ADAMTSL2: variants seen among roughly 807,000 people sequenced by gnomAD.
The protein encoded by ADAMTSL2 is ADAMTS like 2.
ADAMTSL2 carries 55 observed loss-of-function variants against 117.0 expected under a neutral mutation model. The ratio of observed to expected loss-of-function variants is 0.47; its 90% CI spans 0.38 to 0.59. ADAMTSL2 has a LOEUF of 0.59. Ranked by LOEUF, ADAMTSL2 falls within the 20% of genes least tolerant of loss-of-function variation. The pLI, the probability that ADAMTSL2 is intolerant of heterozygous loss-of-function variation, is 0.00. For missense variants in ADAMTSL2, 1,182 were observed against 1,354.5 expected (o/e 0.87, Z 2.00); for synonymous variants, 572 against 566.4 (o/e 1.01, Z -0.14).
chr9:133,563,032 C>T (rs1361706516), intron 12 of ADAMTSL2, among the ~76,000 whole-genome samples: 2 of 152,210 alleles, frequency 1.3e-5, no homozygotes, highest in African/African-American at 4.8e-5. Flanking sequence ...CTTGGCCAGG[C>T]TTGCACCGCC....
chr9:133,565,431 G>A (rs1027635674), intron 12 of ADAMTSL2, among the ~76,000 whole-genome samples: 4 of 152,136 alleles, frequency 2.6e-5, no homozygotes, highest in Non-Finnish European at 4.4e-5. Flanking sequence ...CAGGCACTTG[G>A]CGATGGTCTG....
chr9:133,564,550 G>A (rs1437795702), intron 12 of ADAMTSL2, among the ~76,000 whole-genome samples: 3 of 103,024 alleles, frequency 2.9e-5, no homozygotes, highest in African/African-American at 1.2e-4. Context: ...GGGAGAGAGG[G>A]AGAGGGAGAG....
At chr9:133,567,899 C>T (rs955492287) in intron 13 of ADAMTSL2, among the ~76,000 whole-genome samples, 10 of 152,236 alleles carry the variant, frequency 6.6e-5, no homozygotes, top group Admixed American at 3.9e-4. Flanking sequence ...TTCCCCAGCA[C>T]GCTGGCCATG....
At chr9:133,571,970 G>A (rs1012021399) in intron 17 of ADAMTSL2, among the ~76,000 whole-genome samples, 2 of 152,222 alleles carry the variant, frequency 1.3e-5, no homozygotes, top group African/African-American at 4.8e-5. Context: ...GCGCCCGAGG[G>A]CTCCAAGTCT....
rs372722281 is a variant in ADAMTSL2, at chr9:133,567,901, C to G, written c.1875-372C>G. Among the ~76,000 whole-genome samples the G allele has an allele frequency of 7.8e-3, 1,190 of 152,354 alleles. 12 individuals carry two copies. Among genetic ancestry groups the G allele is most frequent in the African/African-American group, 0.027 (1,141 of 41,586 alleles). The stretch of plus-strand genomic sequence containing the variant: ...GAAGGAGAGGTCTTTCCCCAGCACG[C>G]TGGCCATGCCCCCTTTCTGGACACA... On this transcript the variant is annotated intron_variant, in intron 13 of 18. Transcript: ENST00000651351.
Position 133,540,654 on chromosome 9 carries a change from G to A in ADAMTSL2, c.469G>A (p.Gly157Ser), listed in dbSNP as rs368879464. ...PCDLHCTTVD[G>S]QRQLMVPARD... ...TGACCTGCACTGTACCACCGTGGAC[G>A]GCCAGCGGCAGCTCATGGTCCCCGC... The change falls in exon 6 of 19, where the codon GGC becomes AGC. Residue 157 changes from glycine (G) to serine (S), a missense_variant. Around this residue, in one of 3 missense-constraint regions of ADAMTSL2, gnomAD observed 372 missense variants for 463.4 expected, o/e 0.80. Transcript: ENST00000651351. 40 of 1,613,616 alleles carry A rather than the reference G, an allele frequency of 2.5e-5. No individual in the cohort carries two copies. The highest frequency in any genetic ancestry group is 3.3e-5 in the Admixed American group (2 of 60,014).
intron 4 of ADAMTSL2, 86 bp from the exon 5 acceptor site, chr9:133,539,685 T>TGTCCCGGCTGTCCCGGCTGACCCG: frequency 6.0e-6 from 8 of 1,344,014 alleles, no homozygotes; most frequent in African/African-American, 1.4e-5. Flanking sequence ...CTGTCCCGGC[T>TGTCCCGGCTGTCCCGGCTGACCCG]GCAGCCACTT....
intron 12 of ADAMTSL2, among the ~76,000 whole-genome samples, chr9:133,563,795 CAGAGAGAGAGAGAGAGAAAGGG>C (rs1830804702): frequency 1.1e-5 from 1 of 89,044 alleles, no homozygotes; most frequent in African/African-American, 4.3e-5. Context: ...CCCTGAGAGA[CAGAGAGAGAGAGAGAGAAAGGG>C]GGAGAGAGAG....
intron 15 of ADAMTSL2, 120 bp from the exon 16 acceptor site, chr9:133,569,271 ATTTAAAAAGTGGTTACC>A: frequency 1.3e-6 from 1 of 781,036 alleles, no homozygotes; most frequent in Non-Finnish European, 2.2e-6. Flanking sequence ...AGAAAATGTT[ATTTAAAAAGTGGTTACC>A]ATGGCAACCG....
chr9:133,567,119 C>T, intron 13 of ADAMTSL2, 57 bp downstream of exon 13: 3 of 1,562,428 alleles, frequency 1.9e-6, no homozygotes, highest in Non-Finnish European at 2.6e-6. Context: ...AGGGGCTCTG[C>T]CCAAAGGAGC....
At chr9:133,555,460 G>A (rs1830583317) in intron 10 of ADAMTSL2, 98 bp from the exon 11 acceptor site, 1 of 1,486,332 alleles carries the variant, frequency 6.7e-7, no homozygotes, top group Non-Finnish European at 9.3e-7. Context: ...GGTTCAGCTT[G>A]GTGTTTCTGG....
intron 12 of ADAMTSL2, among the ~76,000 whole-genome samples, chr9:133,564,091 A>AGAGAAAAAGG (rs1564509022): frequency 5.4e-5 from 2 of 36,956 alleles, no homozygotes; most frequent in Non-Finnish European, 1.1e-4. Flanking sequence ...AGAGAGAGAG[A>AGAGAAAAAGG]GGGAGAGAGA....
intron 7 of ADAMTSL2, among the ~76,000 whole-genome samples, chr9:133,542,356 T>G (rs975177778): frequency 1.3e-5 from 2 of 152,198 alleles, no homozygotes; most frequent in African/African-American, 2.4e-5. Context: ...GTGTCTGATT[T>G]TCCTCCCTTC....
chr9:133,549,673 C>G (rs922882550), intron 9 of ADAMTSL2, among the ~76,000 whole-genome samples: 1 of 151,662 alleles, frequency 6.6e-6, no homozygotes, highest in African/African-American at 2.4e-5. Flanking sequence ...GCGTGAGCCA[C>G]CTGCCTTGGC....
intron 5 of ADAMTSL2, 50 bp from the exon 6 acceptor site, chr9:133,540,548 C>T (rs758583584): frequency 9.7e-5 from 155 of 1,605,030 alleles, no homozygotes; most frequent in Non-Finnish European, 1.2e-4. Flanking sequence ...CCTCTGAATC[C>T]GGCATTTCCT....
intron 12 of ADAMTSL2, among the ~76,000 whole-genome samples, chr9:133,562,566 C>T (rs1439532569): frequency 0.011 from 980 of 90,756 alleles, 108 homozygotes; most frequent in African/African-American, 0.045. Flanking sequence ...GGCGGCGTGG[C>T]GGGCACCCTG....
At position 133,563,551 on chromosome 9, in the gene ADAMTSL2, C is replaced by G. The variant is rs1043085269; in HGVS notation, c.1747+2256C>G. 3.3e-5 allele frequency among the ~76,000 whole-genome samples: 5 copies of G among 152,254 alleles called. No individual in the cohort carries two copies. The East Asian group carries it at 7.8e-4, about 24-fold the overall frequency. ...TCGAGACGTCTGCAGGGTGAGGCAG[C>G]CTCGCTGGCAAGGGGCCTGATGGGC... On this transcript the variant is annotated intron_variant, in intron 12 of 18. Transcript: ENST00000651351.
rs1830015309 is a variant in ADAMTSL2, at chr9:133,534,928, T to TCGTCCC, written c.-151+19_-151+24dup. ...CTGACCCGAAGCCAGGTAGGCCACC[T>TCGTCCC]CGTCCCCGTCCCCCTCACGTTGCAG... On this transcript the variant is annotated intron_variant, in intron 1 of 18. Coordinates refer to ENST00000651351, the MANE Select transcript of ADAMTSL2 (RefSeq NM_014694.4). 1 of 1,384,152 alleles carries TCGTCCC rather than the reference T, an allele frequency of 7.2e-7. No homozygotes were observed. The highest frequency in any genetic ancestry group is 3.1e-5 in the Admixed American group (1 of 32,452). The allele number at this position is 1,384,152 out of a possible 1,614,324, so 85.7% of individuals were successfully genotyped here.
chr9:133,540,687 G>A lies in ADAMTSL2; in HGVS notation c.502G>A (p.Gly168Ser), dbSNP rs756311258. 13 of 1,613,768 alleles carry A rather than the reference G, an allele frequency of 8.1e-6. No individual in the cohort carries two copies. Among genetic ancestry groups the A allele is most frequent in the South Asian group, 1.1e-5 (1 of 91,082 alleles). The change falls in exon 6 of 19, where the codon GGC becomes AGC. Residue 168 changes from glycine to serine, a missense_variant. Gly to Ser is a moderately conservative substitution (Grantham distance 56). Coordinates refer to ENST00000651351, the MANE Select transcript of ADAMTSL2 (RefSeq NM_014694.4). ...QRQLMVPARD[G>S]TSCKLTDLRG... ...GCAGCTCATGGTCCCCGCCCGCGACGGCACATCCTGCAAGCTCACTGACCT... is the reference window on the plus strand; with the variant it reads ...GCAGCTCATGGTCCCCGCCCGCGACAGCACATCCTGCAAGCTCACTGACCT...
Sources: allele counts gnomAD v4.1 joint callset (sites outside exome capture counted in the v4.1 genomes callset), GRCh38; gene constraint gnomAD v4.1.1; regional missense constraint gnomAD v4.1.1; transcripts MANE v1.5; gene names NCBI Gene and HGNC (gene_info 2026-07-23, HGNC 2026-07-21).